The following ASS1 variants were observed in gnomAD, a reference collection of about 807,000 sequenced individuals.
ASS1 encodes the protein argininosuccinate synthase 1, also known as argininosuccinate synthase.
ASS1 carries 58 observed loss-of-function variants against 60.5 expected under a neutral mutation model. The observed-to-expected ratio is 0.96, with a 90% CI of 0.78 to 1.19. The LOEUF is 1.19. Ranked by LOEUF, ASS1 falls within the 50% of genes most tolerant of loss-of-function variation. The pLI is 0.00. For missense variants in ASS1, 454 were observed against 547.3 expected (o/e 0.83, Z 1.70); for synonymous variants, 200 against 206.9 (o/e 0.97, Z 0.29).
chr9:130,485,601 C>T (rs996856715), intron 11 of ASS1, among the ~76,000 whole-genome samples: 18 of 152,124 alleles, frequency 1.2e-4, no homozygotes, highest in Admixed American at 5.9e-4. Context: ...CTCCTGCTAC[C>T]GGCCTACCCA....
rs1454092337 is a variant in ASS1, at chr9:130,470,506, G to A, written c.496-328G>A. ...CAGCTCGTAGGGTGGTGGCGGGGCT[G>A]GTTGGCTGGTGCCGGGAGACCTGGC... is the stretch of plus-strand genomic sequence containing the variant. On this transcript the variant is annotated intron_variant, in intron 6 of 14. Coordinates refer to ENST00000352480, the MANE Select transcript of ASS1 (RefSeq NM_054012.4). The surrounding 1 kb of genome is among the most constrained non-coding windows in gnomAD (Gnocchi z 4.3). Among the ~76,000 whole-genome samples the A allele has an allele frequency of 6.6e-6, 1 of 152,234 alleles. No individual in the cohort carries two copies. Among genetic ancestry groups the A allele is most frequent in the African/African-American group, 2.4e-5 (1 of 41,472 alleles).
intron 6 of ASS1, among the ~76,000 whole-genome samples, chr9:130,467,429 A>T (rs1270266426): frequency 6.6e-6 from 1 of 152,160 alleles, no homozygotes; most frequent in Non-Finnish European, 1.5e-5. Flanking sequence ...AGCCTCAATC[A>T]ATCAGGCCGG....
intron 10 of ASS1, chr9:130,480,032 G>A (rs1846128874): frequency 1.4e-6 from 1 of 699,718 alleles, no homozygotes; most frequent in African/African-American, 1.8e-5. Flanking sequence ...CTGCCTCCAA[G>A]GGATCATTAG....
chr9:130,470,748 C>T lies in ASS1; in HGVS notation c.496-86C>T. ...TCTGAATGGGGGCCAGAGTTTGGGG[C>T]TCTCTGAAAAAGCAGGGCCCCTGGG... On this transcript the variant is annotated intron_variant, in intron 6 of 14. Transcript: ENST00000352480. The surrounding 1 kb of genome is among the most constrained non-coding windows in gnomAD (Gnocchi z 4.3). 2 of 1,319,862 alleles carry T rather than the reference C, an allele frequency of 1.5e-6. No individual in the cohort carries two copies. The highest frequency in any genetic ancestry group is 1.1e-6 in the Non-Finnish European group (1 of 914,970). 81.8% of individuals were successfully genotyped at this position (1,319,862 alleles called of 1,614,324 possible).
At chr9:130,458,257 C>T (rs1845494033) in intron 3 of ASS1, 144 bp from the exon 4 acceptor site, 1 of 850,924 alleles carries the variant, frequency 1.2e-6, no homozygotes, top group Admixed American at 1.9e-5. Context: ...TGAATGATGT[C>T]TACTACAGAT....
chr9:130,462,964 C>T (rs79024258), intron 4 of ASS1, among the ~76,000 whole-genome samples: 1,814 of 152,310 alleles, frequency 0.012, 41 homozygotes, highest in African/African-American at 0.041. Flanking sequence ...CTAAAAATCC[C>T]CCTGGCCCTG....
intron 11 of ASS1, among the ~76,000 whole-genome samples, chr9:130,483,678 C>T (rs1014213035): frequency 2.0e-5 from 3 of 148,742 alleles, no homozygotes; most frequent in Non-Finnish European, 4.5e-5. Context: ...ACTTCTCCCG[C>T]CGCTCTCCCC....
At chr9:130,445,922 C>T (rs980428877) in intron 1 of ASS1, among the ~76,000 whole-genome samples, 1 of 152,222 alleles carries the variant, frequency 6.6e-6, no homozygotes, top group African/African-American at 2.4e-5. Flanking sequence ...GGCTTTGATC[C>T]TCCCGCTCCC....
intron 11 of ASS1, among the ~76,000 whole-genome samples, chr9:130,481,507 CAAAGAGAG>C (rs1481003878): frequency 6.6e-6 from 1 of 152,162 alleles, no homozygotes; most frequent in Non-Finnish European, 1.5e-5. Context: ...TTCTAAAATC[CAAAGAGAG>C]CCGATCACCC....
At chr9:130,497,488 TAA>T (rs56795102) in intron 13 of ASS1, among the ~76,000 whole-genome samples, 109 of 142,486 alleles carry the variant, frequency 7.6e-4, no homozygotes, top group Middle Eastern at 3.7e-3. Context: ...TCAGGGGAGG[TAA>T]AAAAAAAAAA....
At chr9:130,475,121 A>T (rs950489468) in intron 8 of ASS1, among the ~76,000 whole-genome samples, 3 of 152,228 alleles carry the variant, frequency 2.0e-5, no homozygotes, top group Non-Finnish European at 4.4e-5. Context: ...TGCTAAAACC[A>T]GGAGAAATCA....
chr9:130,488,363 G>C lies in ASS1; in HGVS notation c.839-970G>C, dbSNP rs1041769299. 1.3e-5 allele frequency among the ~76,000 whole-genome samples: 2 copies of C among 152,244 alleles called. No individual in the cohort carries two copies. Among genetic ancestry groups the C allele is most frequent in the Non-Finnish European group, 2.9e-5 (2 of 68,048 alleles). ...GGAGCTATGGCCCCTGCTCCACCCA[G>C]ACAGCAGCTGCAGGGCAGGCTTGCC... On this transcript the variant is annotated intron_variant, in intron 11 of 14. Coordinates refer to ENST00000352480, the MANE Select transcript of ASS1 (RefSeq NM_054012.4). The surrounding 1 kb of genome is among the most constrained non-coding windows in gnomAD (Gnocchi z 5.2).
intron 11 of ASS1, among the ~76,000 whole-genome samples, chr9:130,483,230 A>T (rs992758066): frequency 6.6e-6 from 1 of 151,986 alleles, no homozygotes; most frequent in African/African-American, 2.4e-5. Flanking sequence ...CGTCAATTAT[A>T]TTGAGGGCAG....
intron 6 of ASS1, among the ~76,000 whole-genome samples, chr9:130,468,296 G>T (rs1042516466): frequency 5.3e-5 from 8 of 152,166 alleles, no homozygotes; most frequent in African/African-American, 1.7e-4. Flanking sequence ...AGGCAAAAAG[G>T]CGCCAGAGGA....
At chr9:130,448,055 G>A (rs542792898) in intron 1 of ASS1, among the ~76,000 whole-genome samples, 6 of 151,698 alleles carry the variant, frequency 4.0e-5, no homozygotes, top group South Asian at 4.2e-4. Flanking sequence ...TGGAGTGAGC[G>A]CTCACTGGAT....
At position 130,481,703 on chromosome 9, in the gene ASS1, C is replaced by T. The variant is rs180884927; in HGVS notation, c.838+1254C>T. 2.5e-4 allele frequency among the ~76,000 whole-genome samples: 38 copies of T among 152,290 alleles called. No homozygotes were observed. The East Asian group carries it at 7.1e-3, about 29-fold the overall frequency. On this transcript the variant is annotated intron_variant, in intron 11 of 14. Transcript: ENST00000352480. ...CATCACTCTGGCTCTGACCTGTCTG[C>T]GTTTCCCTGGAAAGGCATGGCAGCA...
At chr9:130,445,969 G>A (rs1365470569) in intron 1 of ASS1, among the ~76,000 whole-genome samples, 2 of 152,190 alleles carry the variant, frequency 1.3e-5, no homozygotes, top group Non-Finnish European at 2.9e-5. Flanking sequence ...GAGCTGGTGA[G>A]GCCTTGGCTC....
chr9:130,454,247 G>A, intron 2 of ASS1, 58 bp from the exon 3 acceptor site: 2 of 1,556,692 alleles, frequency 1.3e-6, no homozygotes, highest in South Asian at 1.1e-5. Context: ...CATGCGGATG[G>A]TGTGAACTCA....
chr9:130,489,030 C>T lies in ASS1; in HGVS notation c.839-303C>T, dbSNP rs929348022. 2.0e-5 allele frequency among the ~76,000 whole-genome samples: 3 copies of T among 152,088 alleles called. No individual in the cohort carries two copies. The highest frequency in any genetic ancestry group is 1.9e-4 in the East Asian group (1 of 5,196). On this transcript the variant is annotated intron_variant, in intron 11 of 14. Coordinates refer to ENST00000352480, the MANE Select transcript of ASS1 (RefSeq NM_054012.4). This position sits in a 1 kb window ranked among gnomAD's most constrained non-coding sequence, Gnocchi z 4.1. ...GCTTTCAACCTCGGGCCGGTGGGCA[C>T]GCATGGGGAGGGAGGGGTTGCTGCT... is the stretch of plus-strand genomic sequence containing the variant.
Sources: allele counts gnomAD v4.1 joint callset (sites outside exome capture counted in the v4.1 genomes callset), GRCh38; gene constraint gnomAD v4.1.1; non-coding constraint Gnocchi (gnomAD v3.1); transcripts MANE v1.5; gene names NCBI Gene and HGNC (gene_info 2026-07-23, HGNC 2026-07-21).